Variants in ZNF615 observed in about 807,000 individuals in gnomAD.
ZNF615 encodes the protein zinc finger protein 615.
A neutral mutation model predicts 15.3 loss-of-function variants in ZNF615; 15 were observed. The ratio of observed to expected loss-of-function variants is 0.98; its 90% CI spans 0.66 to 1.51. The LOEUF is 1.51. Ranked by LOEUF, ZNF615 falls within the 40% of genes most tolerant of loss-of-function variation. The pLI, the probability that ZNF615 is intolerant of heterozygous loss-of-function variation, is 0.00. For missense variants in ZNF615, 848 were observed against 895.9 expected (o/e 0.95, Z 0.68); for synonymous variants, 268 against 294.6 (o/e 0.91, Z 0.92).
chr19:52,002,137 C>G lies in ZNF615; in HGVS notation c.142+18G>C, dbSNP rs777879770. On this transcript the variant is annotated intron_variant, in intron 4 of 6. Transcript: ENST00000598071. The stretch of plus-strand genomic sequence containing the variant: ...CTGACTGGGCACCCTCTGAGTGACA[C>G]AGGGCAGCTGTCCTCACCCACTGCC... The G allele has an allele frequency of 6.2e-7, 1 of 1,614,078 alleles. No individual in the cohort carries two copies. The highest frequency in any genetic ancestry group is 8.5e-7 in the Non-Finnish European group (1 of 1,180,040).
chr19:51,995,007 G>A (rs2086377492), intron 6 of ZNF615, among the ~76,000 whole-genome samples, 170 bp from the exon 7 acceptor site: 8 of 152,186 alleles, frequency 5.3e-5, no homozygotes, highest in Non-Finnish European at 2.9e-5. Flanking sequence ...GGTGCAGGCG[G>A]ACTGAGTCCG....
intron 3 of ZNF615, among the ~76,000 whole-genome samples, chr19:52,002,810 C>G (rs575364610): frequency 6.7e-6 from 1 of 149,444 alleles, no homozygotes; most frequent in Non-Finnish European, 1.5e-5. Context: ...GATGATTAAA[C>G]AAATCTGTTT....
Position 51,994,630 on chromosome 19 carries a change from C to G in ZNF615, c.479G>C (p.Ser160Thr), listed in dbSNP as rs767820223. Reference sequence around the variant, plus strand: ...CTCAGCAGAGTTCTTTAGGCCAGAGCTCCTTTTCTGGTTTTCAAAACTTAA... The same window carrying G: ...CTCAGCAGAGTTCTTTAGGCCAGAGGTCCTTTTCTGGTTTTCAAAACTTAA... ...SNLSFENQKR[S>T]SGLKNSAEFN... The change falls in exon 7 of 7, where the codon AGC becomes ACC. Residue 160 changes from serine (S) to threonine (T), a missense_variant. Ser to Thr is a moderately conservative substitution (Grantham distance 58). Coordinates refer to ENST00000598071, the MANE Select transcript of ZNF615 (RefSeq NM_001199324.2). 1.9e-5 allele frequency: 31 copies of G among 1,612,992 alleles called. No homozygotes were observed. Among genetic ancestry groups the G allele is most frequent in the Non-Finnish European group, 2.4e-5 (28 of 1,179,892 alleles).
At position 52,007,269 on chromosome 19, in the gene ZNF615, TTATC is replaced by T; in HGVS notation, c.-190+20_-190+23del. 1 of 1,280,718 alleles carries T rather than the reference TTATC, an allele frequency of 7.8e-7. No homozygotes were observed. Among genetic ancestry groups the T allele is most frequent in the Non-Finnish European group, 1.0e-6 (1 of 981,254 alleles). 79.3% of individuals were successfully genotyped at this position (1,280,718 alleles called of 1,614,324 possible). ...AAATATTCTGAAAATTTGACAAAGG[TTATC>T]TTTGAGTAACCGAGCTTACCATGGC... On this transcript the variant is annotated intron_variant, in intron 2 of 6. Coordinates refer to ENST00000598071, the MANE Select transcript of ZNF615 (RefSeq NM_001199324.2).
At chr19:52,001,275 T>G (rs1017856234) in intron 5 of ZNF615, among the ~76,000 whole-genome samples, 2 of 151,898 alleles carry the variant, frequency 1.3e-5, no homozygotes, top group African/African-American at 4.8e-5. Flanking sequence ...AAGATAATTA[T>G]GTAGACAAAA....
intron 3 of ZNF615, chr19:52,002,588 C>T: frequency 4.5e-6 from 2 of 442,680 alleles, no homozygotes; most frequent in South Asian, 3.4e-5. Context: ...AAGTATATGC[C>T]AGTTACAAGT....
intron 4 of ZNF615, 65 bp downstream of exon 4, chr19:52,002,090 A>T: frequency 6.2e-7 from 1 of 1,614,176 alleles, no homozygotes; most frequent in East Asian, 2.2e-5. Flanking sequence ...ACTGCAGGTA[A>T]GCAGCTGAGA....
At position 51,994,561 on chromosome 19, in the gene ZNF615, T is replaced by A; in HGVS notation, c.548A>T (p.Gln183Leu). Residue 183 changes from glutamine to leucine, a missense_variant, in exon 7 of 7, where the codon CAA becomes CTA. Coordinates refer to ENST00000598071, the MANE Select transcript of ZNF615 (RefSeq NM_001199324.2). ...GKSLFHANHKQFYTEMKFPAI... is the reference protein window; with the variant it reads ...GKSLFHANHKLFYTEMKFPAI... ...AGGAAACTTCATTTCAGTATAAAATTGTTTATGGTTAGCATGAAAAAGGGA... is the reference window on the plus strand; with the variant it reads ...AGGAAACTTCATTTCAGTATAAAATAGTTTATGGTTAGCATGAAAAAGGGA... 1 of 1,614,148 alleles carries A rather than the reference T, an allele frequency of 6.2e-7. No homozygotes were observed. The highest frequency in any genetic ancestry group is 2.2e-5 in the East Asian group (1 of 44,872).
At chr19:52,002,130 A>G in intron 4 of ZNF615, 25 bp downstream of exon 4, 1 of 1,614,168 alleles carries the variant, frequency 6.2e-7, no homozygotes, top group Non-Finnish European at 8.5e-7. Flanking sequence ...GCACCCTCTG[A>G]GTGACACAGG....
At chr19:52,004,342 T>C (rs1349365295) in intron 2 of ZNF615, 7 of 152,130 alleles carry the variant, frequency 4.6e-5, no homozygotes, top group Admixed American at 4.6e-4. Context: ...ATAAGCACTA[T>C]CTTATTTAAA....
At chr19:52,006,419 A>C (rs1416412773) in intron 2 of ZNF615, among the ~76,000 whole-genome samples, 4 of 152,230 alleles carry the variant, frequency 2.6e-5, no homozygotes, top group African/African-American at 7.2e-5. Flanking sequence ...CCAATCACAC[A>C]ATGAGCAAGA....
At chr19:51,994,867 C>T (rs1242819620) in intron 6 of ZNF615, 30 bp from the exon 7 acceptor site, 1 of 1,528,966 alleles carries the variant, frequency 6.5e-7, no homozygotes, top group Admixed American at 2.3e-5. Context: ...TCAATCACTC[C>T]ATCATCTTGT....
intron 3 of ZNF615, 147 bp from the exon 4 acceptor site, chr19:52,002,428 T>A: frequency 8.6e-7 from 1 of 1,169,000 alleles, no homozygotes; most frequent in Non-Finnish European, 1.3e-6. Flanking sequence ...AGAATTCCAG[T>A]AAAATATTCT....
chr19:52,006,650 G>A (rs1436549374), intron 2 of ZNF615, among the ~76,000 whole-genome samples: 1 of 152,020 alleles, frequency 6.6e-6, no homozygotes, highest in South Asian at 2.1e-4. Context: ...TACCAAAATC[G>A]ACAACAAATA....
At chr19:52,005,129 C>T (rs1482963269) in intron 2 of ZNF615, among the ~76,000 whole-genome samples, 5 of 151,970 alleles carry the variant, frequency 3.3e-5, no homozygotes, top group Non-Finnish European at 7.4e-5. Flanking sequence ...CATGGTAGCG[C>T]GTGCCTATAA....
chr19:52,000,505 T>TA, intron 5 of ZNF615, 127 bp from the exon 6 acceptor site: 1 of 446,340 alleles, frequency 2.2e-6, no homozygotes, highest in Non-Finnish European at 3.9e-6. Flanking sequence ...AGTTACAGGC[T>TA]AGTTGTCATG....
At position 51,993,274 on chromosome 19, in the gene ZNF615, C is replaced by T; in HGVS notation, c.1835G>A (p.Cys612Tyr). The T allele has an allele frequency of 6.2e-7, 1 of 1,614,174 alleles. No homozygotes were observed. Among genetic ancestry groups the T allele is most frequent in the Non-Finnish European group, 8.5e-7 (1 of 1,180,010 alleles). Residue 612 changes from cysteine to tyrosine, a missense_variant, in exon 7 of 7, where the codon TGT becomes TAT. Cys to Tyr is a radical substitution (Grantham distance 194). Transcript: ENST00000598071. Reference protein sequence around the residue: ...TGEKPYICNECGKGFTMKSTL... With the variant: ...TGEKPYICNEYGKGFTMKSTL... ...ACTCTTCATGGTGAAGCCCTTTCCA[C>T]ATTCATTGCATATATAAGGTTTCTC...
In ZNF615 at chr19:51,993,935, A is replaced by G; in HGVS notation, c.1174T>C (p.Phe392Leu). The change falls in exon 7 of 7, where the codon TTC becomes CTC. Residue 392 changes from phenylalanine (F) to leucine (L), a missense_variant. Phe to Leu is a conservative substitution (Grantham distance 22). Transcript: ENST00000598071. ...PFICNKCGKG[F>L]TLKNSLITHQ... ...GTGATAAGACTGTTCTTCAAGGTGA[A>G]GCCTTTCCCACATTTATTGCATATA... The G allele has an allele frequency of 6.2e-7, 1 of 1,614,180 alleles. No homozygotes were observed. The highest frequency in any genetic ancestry group is 8.5e-7 in the Non-Finnish European group (1 of 1,180,034).
At chr19:52,007,454 A>G (rs2086785255) in intron 1 of ZNF615, 124 bp from the exon 2 acceptor site, 1 of 447,202 alleles carries the variant, frequency 2.2e-6, no homozygotes, top group Non-Finnish European at 3.7e-6. Context: ...AAAAACTTCC[A>G]TTTCTGAGGA....
Sources: allele counts gnomAD v4.1 joint callset (sites outside exome capture counted in the v4.1 genomes callset), GRCh38; gene constraint gnomAD v4.1.1; transcripts MANE v1.5; gene names NCBI Gene and HGNC (gene_info 2026-07-23, HGNC 2026-07-21).